The following NUTM2F variants were observed in gnomAD, a reference collection of about 807,000 sequenced individuals.
NUTM2F encodes family with sequence similarity 22, member F.
In NUTM2F, 22 loss-of-function variants were observed where a neutral mutation model predicts 43.3. That is an observed-to-expected ratio of 0.51 (90% CI 0.36 to 0.73). The LOEUF (loss-of-function observed/expected upper bound fraction) is 0.73. Among genes scored for constraint, NUTM2F ranks in the 30% least tolerant of loss-of-function variants. The pLI, the probability that NUTM2F is intolerant of heterozygous loss-of-function variation, is 0.00. For missense variants in NUTM2F, 488 were observed against 927.4 expected (o/e 0.53, Z 6.15); for synonymous variants, 202 against 389.0 (o/e 0.52, Z 5.66).
chr9:94,322,548 G>A (rs541205633), intron 2 of NUTM2F, among the ~76,000 whole-genome samples: 58 of 152,302 alleles, frequency 3.8e-4, no homozygotes, highest in Non-Finnish European at 6.9e-4. Context: ...TCAAGTCCTC[G>A]GTGTTATGAT....
chr9:94,324,512 A>G lies in NUTM2F; in HGVS notation c.713+726T>C, dbSNP rs1022628789. Reference sequence around the variant, plus strand: ...CCCGTCTCTACTAAAAATACAAAAAAATTAGCCGGGCATGGTGGTGGGCAC... The same window carrying G: ...CCCGTCTCTACTAAAAATACAAAAAGATTAGCCGGGCATGGTGGTGGGCAC... On this transcript the variant is annotated intron_variant, in intron 2 of 6. Transcript: ENST00000253262. 5.4e-4 allele frequency among the ~76,000 whole-genome samples: 81 copies of G among 150,096 alleles called. 1 individual carries two copies. The highest frequency in any genetic ancestry group is 1.8e-3 in the African/African-American group (74 of 40,740).
intron 5 of NUTM2F, 121 bp from the exon 6 acceptor site, chr9:94,319,850 A>G (rs1274793408): frequency 1.5e-6 from 2 of 1,301,060 alleles, no homozygotes; most frequent in Non-Finnish European, 2.2e-6. Flanking sequence ...GGGCTGTTTC[A>G]TATCATGGCG....
At chr9:94,322,160 A>G (rs377087724) in intron 3 of NUTM2F, 41 bp downstream of exon 3, 2 of 1,606,816 alleles carry the variant, frequency 1.2e-6, no homozygotes, top group African/African-American at 2.7e-5. Context: ...ATTCACTCTC[A>G]CCCCGCCACA....
rs543739805 is a variant in NUTM2F at position 94,322,686 on chromosome 9, C to A, written c.714-357G>T. On this transcript the variant is annotated intron_variant, in intron 2 of 6. Coordinates refer to ENST00000253262, the MANE Select transcript of NUTM2F (RefSeq NM_017561.2). ...GTTAGAGCAGGTCATGAGCGTGGGTCCCAGTCATGGAATCCGAGCTCTGAT... is the reference window on the plus strand; with the variant it reads ...GTTAGAGCAGGTCATGAGCGTGGGTACCAGTCATGGAATCCGAGCTCTGAT... 4.6e-5 allele frequency among the ~76,000 whole-genome samples: 7 copies of A among 152,052 alleles called. No homozygotes were observed. In the South Asian group the frequency reaches 1.5e-3, roughly 32 times the overall value.
intron 3 of NUTM2F, 24 bp downstream of exon 3, chr9:94,322,177 C>A (rs576984602): frequency 6.2e-7 from 1 of 1,611,888 alleles, no homozygotes; most frequent in East Asian, 2.2e-5. Context: ...CACACGGGCC[C>A]TGCCCCCAGG....
At chr9:94,323,687 C>T (rs796656409) in intron 2 of NUTM2F, among the ~76,000 whole-genome samples, 47 of 152,254 alleles carry the variant, frequency 3.1e-4, no homozygotes, top group African/African-American at 8.4e-4. Context: ...CATATGTGAG[C>T]TCAGGTCATC....
rs187102839 is a variant in NUTM2F, at chr9:94,321,285, C to A, written c.843-53G>T. 1.1e-5 allele frequency: 17 copies of A among 1,546,920 alleles called. No homozygotes were observed. In the East Asian group the frequency reaches 1.2e-4, roughly 11 times the overall value. ...CTGAGAGGGTCCAGGCCCCCTCCCC[C>A]CAGGACCAGGCAGCAGCTGAGGGCA... On this transcript the variant is annotated intron_variant, in intron 3 of 6. Transcript: ENST00000253262.
rs199820386 is a variant in NUTM2F at position 94,318,964 on chromosome 9, C to T, written c.1772G>A (p.Arg591Gln). 1.5e-3 allele frequency: 2,492 copies of T among 1,611,488 alleles called. 8 individuals are homozygous for T. The highest frequency in any genetic ancestry group is 1.5e-3 in the Non-Finnish European group (1,722 of 1,179,108). ...GTGGTCCTGGGGAGGAGAGGTTGGC[C>T]GGACAGCCTTCAGCCTGGGGGAATC... is the stretch of plus-strand genomic sequence containing the variant. ...CQDSPRLKAV[R>Q]PTSPPQDHRP... Residue 591 changes from arginine to glutamine, a missense_variant, in exon 7 of 7, where the codon CGG (arginine) becomes CAG (glutamine). Arg to Gln is a conservative substitution (Grantham distance 43). Transcript: ENST00000253262.
intron 2 of NUTM2F, 32 bp from the exon 3 acceptor site, chr9:94,322,361 A>C: frequency 6.2e-7 from 1 of 1,611,284 alleles, no homozygotes. Flanking sequence ...CCCAGTCTGT[A>C]AGCCCACCCT....
Position 94,320,317 on chromosome 9 carries a change from C to T in NUTM2F, c.1259G>A (p.Arg420Gln), listed in dbSNP as rs1405805268. 10 of 1,613,776 alleles carry T rather than the reference C, an allele frequency of 6.2e-6. No homozygotes were observed. Among genetic ancestry groups the T allele is most frequent in the South Asian group, 3.3e-5 (3 of 91,072 alleles). The change falls in exon 5 of 7, where the codon CGG becomes CAG. Residue 420 changes from arginine (R) to glutamine (Q), a missense_variant. Arg to Gln is a conservative substitution (Grantham distance 43, BLOSUM62 1). Transcript: ENST00000253262. This position sits in a 1 kb window ranked among gnomAD's most constrained non-coding sequence, Gnocchi z 4.5. The part of the protein sequence containing the change: ...PGDTGEPEGQ[R>Q]EKGKVEQPQE... The stretch of plus-strand genomic sequence containing the variant: ...CGGCTGCTCCACTTTGCCCTTTTCC[C>T]GTTGTCCCTCAGGCTCCCCTGTGTC...
Position 94,319,611 on chromosome 9 carries a change from A to C in NUTM2F, c.1485+2T>G, listed in dbSNP as rs1345837365. 4.3e-6 allele frequency: 7 copies of C among 1,612,318 alleles called. No individual in the cohort carries two copies. Among genetic ancestry groups the C allele is most frequent in the Non-Finnish European group, 5.9e-6 (7 of 1,179,830 alleles). On this transcript the variant is annotated splice_donor_variant, in intron 6 of 6. Transcript: ENST00000253262. LOFTEE classifies it high-confidence loss of function. ...TGGGTTCCCCTCCCTCCGCTGCTCT[A>C]CCTGGGCAAGGGTGAGTCCTTCCTC...
intron 1 of NUTM2F, among the ~76,000 whole-genome samples, chr9:94,327,381 C>A (rs1405284476): frequency 2.7e-5 from 4 of 149,772 alleles, no homozygotes; most frequent in Admixed American, 6.7e-5. Flanking sequence ...GGATTACAGG[C>A]GTGAGCCACC....
intron 3 of NUTM2F, among the ~76,000 whole-genome samples, chr9:94,321,975 T>C (rs1049701524): frequency 6.6e-6 from 1 of 151,296 alleles, no homozygotes; most frequent in African/African-American, 2.4e-5. Context: ...AAGACAGCGG[T>C]TGGCCCCAGG....
In NUTM2F at chr9:94,320,890, C is replaced by T. The variant is rs1307153131; in HGVS notation, c.982+203G>A. On this transcript the variant is annotated intron_variant, in intron 4 of 6. Transcript: ENST00000253262. This position sits in a 1 kb window ranked among gnomAD's most constrained non-coding sequence, Gnocchi z 4.5. The stretch of plus-strand genomic sequence containing the variant: ...GAGAGAGAAAGTAGGAAACTTGGCC[C>T]GGTCAATACCCTGCTTCGTGATCAC... Among the ~76,000 whole-genome samples, 2 of 152,152 alleles carry T rather than the reference C, an allele frequency of 1.3e-5. No individual in the cohort carries two copies. The highest frequency in any genetic ancestry group is 2.9e-5 in the Non-Finnish European group (2 of 68,028).
At chr9:94,322,421 C>A (rs1282979337) in intron 2 of NUTM2F, 92 bp from the exon 3 acceptor site, 14 of 1,537,136 alleles carry the variant, frequency 9.1e-6, no homozygotes, top group African/African-American at 4.1e-5. Context: ...CCTCCCCACA[C>A]CTGTCCTGCC....
chr9:94,322,371 T>C (rs755344855), intron 2 of NUTM2F, 42 bp from the exon 3 acceptor site: 3 of 1,610,726 alleles, frequency 1.9e-6, no homozygotes, highest in East Asian at 2.2e-5. Context: ...AAGCCCACCC[T>C]CCATCCCGGG....
At chr9:94,322,930 A>T (rs1831396957) in intron 2 of NUTM2F, among the ~76,000 whole-genome samples, 1 of 151,788 alleles carries the variant, frequency 6.6e-6, no homozygotes, top group Non-Finnish European at 1.5e-5. Flanking sequence ...TGACTGAGAC[A>T]CCATGCACAC....
Position 94,320,253 on chromosome 9 carries a change from C to A in NUTM2F, c.1323G>T (p.Leu441=). 6.2e-7 allele frequency: 1 copy of A among 1,613,976 alleles called. No homozygotes were observed. Among genetic ancestry groups the A allele is most frequent in the Non-Finnish European group, 8.5e-7 (1 of 1,179,872 alleles). Reference sequence around the variant, plus strand: ...GGGAACACAGCTTGTCAATGTAGCTCAGGAGGCCCGGGTCTGAGGTTATCC... The same window carrying A: ...GGGAACACAGCTTGTCAATGTAGCTAAGGAGGCCCGGGTCTGAGGTTATCC... ...EDGITSDPGL[L]SYIDKLCSQE... The change falls in exon 5 of 7, where the codon CTG becomes CTT. Residue 441 remains leucine, a synonymous_variant. Transcript: ENST00000253262. The surrounding 1 kb of genome is among the most constrained non-coding windows in gnomAD (Gnocchi z 4.5).
rs1352174908 is a variant in NUTM2F, at chr9:94,325,792, AG to A, written c.158del (p.Pro53LeufsTer12). 2.5e-6 allele frequency: 4 copies of A among 1,612,024 alleles called. No homozygotes were observed. The Admixed American group carries it at 5.0e-5, about 20-fold the overall frequency. ...LVTAVVPPAG[P>X]LVLSAFPSTP... ...TGCTGGGGAAGGCAGAGAGCACCAG[AG>A]GGCCGGCTGGAGGAACCACTGCAGT... On this transcript the variant is annotated frameshift_variant, in exon 2 of 7. Coordinates refer to ENST00000253262, the MANE Select transcript of NUTM2F (RefSeq NM_017561.2). LOFTEE classifies it high-confidence loss of function.
Sources: gnomAD v4.1 joint callset for allele counts (sites outside exome capture counted in the v4.1 genomes callset) on GRCh38, gnomAD v4.1.1 for gene constraint, Gnocchi (gnomAD v3.1) non-coding constraint, MANE v1.5 for transcripts, NCBI Gene and HGNC (gene_info 2026-07-23, HGNC 2026-07-21) for gene names.